The following USP47 variants were observed in gnomAD, a reference collection of about 807,000 sequenced individuals.
The protein encoded by USP47 is ubiquitin specific peptidase 47.
In USP47, 35 loss-of-function variants were observed where a neutral mutation model predicts 165.1. The ratio of observed to expected loss-of-function variants is 0.21; its 90% confidence interval spans 0.16 to 0.28. The LOEUF (loss-of-function observed/expected upper bound fraction) is 0.28. Among genes scored for constraint, USP47 ranks in the 10% least tolerant of loss-of-function variants. USP47 has a pLI of 1.00. For missense variants in USP47, 1,277 were observed against 1,607.4 expected, an observed-to-expected ratio of 0.79 and a Z score of 3.52; for synonymous variants, 531 against 544.5, an observed-to-expected ratio of 0.98 and a Z score of 0.35.
intron 5 of USP47, among the ~76,000 whole-genome samples, chr11:11,900,461 A>G (rs370847809): frequency 6.6e-5 from 10 of 152,116 alleles, no homozygotes; most frequent in South Asian, 4.1e-4. Context: ...CGCCCGGCCT[A>G]TTTTCTTCAC....
intron 7 of USP47, 38 bp downstream of exon 7, chr11:11,903,380 A>C: frequency 6.4e-7 from 1 of 1,565,632 alleles, no homozygotes; most frequent in Non-Finnish European, 8.8e-7. Flanking sequence ...ACTGTTTCCT[A>C]ATAAATCACT....
intron 1 of USP47, among the ~76,000 whole-genome samples, chr11:11,843,153 C>G (rs6485258): frequency 0.77 from 116,568 of 152,188 alleles, 45,476 homozygotes; most frequent in African/African-American, 0.92. Context: ...TAACTGTGTG[C>G]GATCTTGAAA....
chr11:11,947,493 G>A (rs540961029), intron 20 of USP47, among the ~76,000 whole-genome samples: 1 of 152,298 alleles, frequency 6.6e-6, no homozygotes, highest in Non-Finnish European at 1.5e-5. Flanking sequence ...TTACCTCACT[G>A]AAGTCACATT....
chr11:11,900,749 A>G (rs1590337223), intron 5 of USP47, among the ~76,000 whole-genome samples: 1 of 152,258 alleles, frequency 6.6e-6, no homozygotes, highest in Non-Finnish European at 1.5e-5. Flanking sequence ...CATATGCACC[A>G]AAGTTTCTAA....
In USP47 at chr11:11,956,788, A is replaced by G. The variant is rs1439737980; in HGVS notation, c.*613A>G. 6.6e-6 allele frequency: 1 copy of G among 152,650 alleles called. No individual in the cohort carries two copies. Among genetic ancestry groups the G allele is most frequent in the African/African-American group, 2.4e-5 (1 of 41,476 alleles). The allele number at this position is 152,650 out of a possible 1,614,324, so 9.5% of individuals were successfully genotyped here. On this transcript the variant is annotated 3_prime_UTR_variant, in exon 28 of 28. Transcript: ENST00000527733. ...AGTATTAAGAACATTATTCTGGAAC[A>G]TCAGAACGTTTCCCTTAGACCGATC...
intron 1 of USP47, among the ~76,000 whole-genome samples, chr11:11,843,797 T>TA (rs1276770723): frequency 3.9e-5 from 6 of 152,224 alleles, no homozygotes; most frequent in Non-Finnish European, 8.8e-5. Context: ...ATCTGTTGTG[T>TA]AAAAAGTGAT....
In USP47 at chr11:11,959,664, G is replaced by A. The variant is rs1483091864; in HGVS notation, c.*3489G>A. ...AACTCAAGCATGCATTGGAGCATGT[G>A]TTACTATTTAGAAAAGAGTGCAGCC... is the stretch of plus-strand genomic sequence containing the variant. On this transcript the variant is annotated 3_prime_UTR_variant, in exon 28 of 28. Transcript: ENST00000527733. 1.3e-5 allele frequency among the ~76,000 whole-genome samples: 2 copies of A among 152,198 alleles called. No homozygotes were observed. The highest frequency in any genetic ancestry group is 4.8e-5 in the African/African-American group (2 of 41,452).
intron 8 of USP47, among the ~76,000 whole-genome samples, chr11:11,907,862 G>A (rs1017033716): frequency 6.6e-6 from 1 of 152,080 alleles, no homozygotes; most frequent in Non-Finnish European, 1.5e-5. Context: ...TTAGAAAGCC[G>A]AGGCGGGCAG....
At chr11:11,914,115 T>C (rs1853229333) in intron 8 of USP47, among the ~76,000 whole-genome samples, 1 of 152,052 alleles carries the variant, frequency 6.6e-6, no homozygotes, top group Non-Finnish European at 1.5e-5. Flanking sequence ...AAGTTACCAG[T>C]CTACATGATT....
At chr11:11,913,270 A>AC (rs1228540637) in intron 8 of USP47, among the ~76,000 whole-genome samples, 1 of 151,310 alleles carries the variant, frequency 6.6e-6, no homozygotes. Flanking sequence ...AAAAAAAAAA[A>AC]AAAAAAACAA....
At position 11,845,395 on chromosome 11, in the gene USP47, A is replaced by G. The variant is rs555601669; in HGVS notation, c.39+3171A>G. On this transcript the variant is annotated intron_variant, in intron 1 of 27. Transcript: ENST00000527733. ...GTACCTCATATCTCATTTATGCTAA[A>G]TAGCCTTTTCTGACCATTTTAACCT... Among the ~76,000 whole-genome samples, 5 of 152,260 alleles carry G rather than the reference A, an allele frequency of 3.3e-5. No individual in the cohort carries two copies. In the East Asian group the frequency reaches 7.7e-4, roughly 24 times the overall value.
chr11:11,936,282 T>C, intron 16 of USP47, 21 bp from the exon 17 acceptor site: 1 of 1,430,546 alleles, frequency 7.0e-7, no homozygotes. Context: ...TTTTTCTTTC[T>C]GGGGGATTAC....
chr11:11,857,093 T>G (rs1473808026), intron 1 of USP47, among the ~76,000 whole-genome samples: 1 of 152,058 alleles, frequency 6.6e-6, no homozygotes, highest in Non-Finnish European at 1.5e-5. Context: ...AAATATTTAA[T>G]AAAGAGAAGC....
intron 5 of USP47, among the ~76,000 whole-genome samples, chr11:11,901,935 G>A (rs1441401192): frequency 1.3e-5 from 2 of 150,346 alleles, no homozygotes; most frequent in Non-Finnish European, 3.0e-5. Flanking sequence ...CTCCAGCCTG[G>A]GCAACAGAAC....
chr11:11,863,796 A>G (rs916726245), intron 1 of USP47, among the ~76,000 whole-genome samples: 42 of 152,266 alleles, frequency 2.8e-4, no homozygotes, highest in African/African-American at 9.9e-4. Context: ...ACATTTGGCC[A>G]GTGCGAGCCC....
intron 14 of USP47, among the ~76,000 whole-genome samples, chr11:11,932,167 G>A (rs549695808): frequency 2.1e-4 from 32 of 152,234 alleles, no homozygotes; most frequent in African/African-American, 7.2e-4. Context: ...AAAAGCAGGA[G>A]CAAGCAAGTT....
chr11:11,846,284 T>G (rs769998909), intron 1 of USP47, among the ~76,000 whole-genome samples: 2 of 152,196 alleles, frequency 1.3e-5, no homozygotes, highest in African/African-American at 4.8e-5. Flanking sequence ...TAATATTCAT[T>G]GAGTACTCAC....
chr11:11,952,817 T>A lies in USP47; in HGVS notation c.3660T>A (p.Asp1220Glu). ...RRWKPSEMKL[D>E]PFQEVVLESS... ...GGAAGCCTTCAGAGATGAAGTTGGA[T>A]CCCTTCCAGGAGGTTGTATTGGAAA... Residue 1220 changes from aspartate to glutamate, a missense_variant, in exon 25 of 28, where the codon GAT (aspartate) becomes GAA (glutamate). Asp to Glu is a conservative substitution (Grantham distance 45). Coordinates refer to ENST00000527733, the MANE Select transcript of USP47 (RefSeq NM_001282659.2). 6.2e-7 allele frequency: 1 copy of A among 1,613,094 alleles called. No individual in the cohort carries two copies. The highest frequency in any genetic ancestry group is 8.5e-7 in the Non-Finnish European group (1 of 1,179,422).
rs768190858 is a variant in USP47, at chr11:11,864,806, ACTTT to A, written c.40-15366_40-15363del. On this transcript the variant is annotated intron_variant, in intron 1 of 27. Transcript: ENST00000527733. ...TAGCATTTTTATTTCTATTTAGATA[ACTTT>A]CTTTAGCCATTTTCTTTTAGGTTAG... 1.6e-4 allele frequency among the ~76,000 whole-genome samples: 24 copies of A among 152,096 alleles called. No individual in the cohort carries two copies. In the South Asian group the frequency reaches 2.1e-3, roughly 13 times the overall value.
Sources: gnomAD v4.1 joint callset for allele counts (sites outside exome capture counted in the v4.1 genomes callset) on GRCh38, gnomAD v4.1.1 for gene constraint, MANE v1.5 for transcripts, NCBI Gene and HGNC (gene_info 2026-07-23, HGNC 2026-07-21) for gene names.